Variants in DCP1A observed in about 807,000 individuals in gnomAD.
DCP1A encodes mRNA-decapping enzyme 1A.
Under a neutral mutation model 58.0 loss-of-function variants are expected in DCP1A, and 20 were observed. The ratio of observed to expected loss-of-function variants is 0.34; its 90% CI spans 0.24 to 0.50. The LOEUF is 0.50. DCP1A is among the 20% of genes least tolerant of loss of function. The pLI is 0.98. For missense variants in DCP1A, 613 were observed against 712.2 expected, an observed-to-expected ratio of 0.86 and a Z score of 1.59; for synonymous variants, 285 against 275.1, an observed-to-expected ratio of 1.04 and a Z score of -0.36.
intron 5 of DCP1A, among the ~76,000 whole-genome samples, chr3:53,308,071 CCACTTA>C (rs1469132182): frequency 6.6e-6 from 1 of 151,950 alleles, no homozygotes; most frequent in African/African-American, 2.4e-5. Context: ...CACAAACATA[CCACTTA>C]CACTTGGACA....
chr3:53,299,105 T>A (rs548934989), intron 6 of DCP1A, among the ~76,000 whole-genome samples: 2 of 152,332 alleles, frequency 1.3e-5, no homozygotes, highest in East Asian at 3.9e-4. Flanking sequence ...AGTATTCCCA[T>A]TGTTAAATGA....
At chr3:53,291,653 G>T (rs1706879932) in intron 7 of DCP1A, among the ~76,000 whole-genome samples, 1 of 152,050 alleles carries the variant, frequency 6.6e-6, no homozygotes, top group Non-Finnish European at 1.5e-5. Flanking sequence ...ATGTAAATAT[G>T]GGCAGTTGAA....
chr3:53,290,124 GA>G lies in DCP1A; in HGVS notation c.1449+666del, dbSNP rs367835904. 5.3e-5 allele frequency among the ~76,000 whole-genome samples: 8 copies of G among 152,210 alleles called. No individual in the cohort carries two copies. The East Asian group carries it at 1.5e-3, about 29-fold the overall frequency. ...GGGTACAAAGGCTCAAAGGAAAACA[GA>G]AATGACTTTAGGGAGCTAAAAAAAA... On this transcript the variant is annotated intron_variant, in intron 8 of 9. Coordinates refer to ENST00000610213, the MANE Select transcript of DCP1A (RefSeq NM_018403.7).
chr3:53,302,456 A>C (rs797033134), intron 6 of DCP1A, among the ~76,000 whole-genome samples: 10 of 152,340 alleles, frequency 6.6e-5, no homozygotes, highest in African/African-American at 2.4e-4. Context: ...CGTAAGAGAC[A>C]GCTTAAAAAC....
At chr3:53,335,528 C>A (rs1235142940) in intron 3 of DCP1A, among the ~76,000 whole-genome samples, 1 of 152,224 alleles carries the variant, frequency 6.6e-6, no homozygotes, top group Non-Finnish European at 1.5e-5. Context: ...AATTCCCAGT[C>A]ATCAACGCTT....
chr3:53,294,241 A>G (rs1553686543), intron 6 of DCP1A, among the ~76,000 whole-genome samples: 1 of 152,232 alleles, frequency 6.6e-6, no homozygotes, highest in Non-Finnish European at 1.5e-5. Context: ...GGTCGGCCAC[A>G]TAAAGGACAA....
chr3:53,344,665 T>G (rs2089270054), intron 2 of DCP1A, among the ~76,000 whole-genome samples: 1 of 152,218 alleles, frequency 6.6e-6, no homozygotes, highest in African/African-American at 2.4e-5. Flanking sequence ...CAATCATTAT[T>G]ATTTTGAAAT....
chr3:53,330,768 G>A (rs531447607), intron 3 of DCP1A, among the ~76,000 whole-genome samples: 58 of 150,838 alleles, frequency 3.8e-4, no homozygotes, highest in East Asian at 1.6e-3. Context: ...GTATGTATCC[G>A]AGTTAATCAC....
At chr3:53,343,738 A>C (rs1311388602) in intron 2 of DCP1A, among the ~76,000 whole-genome samples, 1 of 152,146 alleles carries the variant, frequency 6.6e-6, no homozygotes, top group Non-Finnish European at 1.5e-5. Flanking sequence ...CAGCCTCTCA[A>C]GTAGCTGGGA....
In DCP1A at chr3:53,287,658, A is replaced by G. The variant is rs1553685311; in HGVS notation, c.1671T>C (p.Asn557=). 14 of 1,608,270 alleles carry G rather than the reference A, an allele frequency of 8.7e-6. No individual in the cohort carries two copies. Among genetic ancestry groups the G allele is most frequent in the Non-Finnish European group, 1.2e-5 (14 of 1,174,874 alleles). ...LQDTLIHLIK[N]DSSFLSTLHE... is the part of the protein sequence containing the mutation. ...GAAGTGTACTGAGGAAGCTGGAATC[A>G]TTCTAGAAGAGATGGTAAAGGTTAA... is the stretch of plus-strand genomic sequence containing the variant. Residue 557 remains asparagine (N), a splice_region_variant and synonymous_variant, in exon 10 of 10, where the codon AAT becomes AAC. Coordinates refer to ENST00000610213, the MANE Select transcript of DCP1A (RefSeq NM_018403.7).
chr3:53,309,880 G>A lies in DCP1A; in HGVS notation c.510+2361C>T, dbSNP rs74336243. ...AATCAGGATTAAATCCCAACACTGAGGCCTAGCTTGCACCCCTGCCCTTGA... is the reference window on the plus strand; with the variant it reads ...AATCAGGATTAAATCCCAACACTGAAGCCTAGCTTGCACCCCTGCCCTTGA... On this transcript the variant is annotated intron_variant, in intron 5 of 9. Transcript: ENST00000610213. 9.5e-3 allele frequency among the ~76,000 whole-genome samples: 1,451 copies of A among 152,334 alleles called. 25 individuals are homozygous for A. Among genetic ancestry groups the A allele is most frequent in the African/African-American group, 0.033 (1,388 of 41,564 alleles).
chr3:53,332,027 G>T (rs2089014245), intron 3 of DCP1A, among the ~76,000 whole-genome samples: 1 of 152,234 alleles, frequency 6.6e-6, no homozygotes, highest in African/African-American at 2.4e-5. Context: ...CTTGTAGCAG[G>T]TATGTATAAT....
At chr3:53,304,064 C>G in intron 6 of DCP1A, 113 bp downstream of exon 6, 1 of 718,832 alleles carries the variant, frequency 1.4e-6, no homozygotes, top group Non-Finnish European at 2.3e-6. Flanking sequence ...CATTATGTTG[C>G]TGCACATTTG....
intron 4 of DCP1A, among the ~76,000 whole-genome samples, chr3:53,318,395 G>A (rs1707873045): frequency 6.6e-6 from 1 of 152,142 alleles, no homozygotes; most frequent in Non-Finnish European, 1.5e-5. Flanking sequence ...ACATGTGATT[G>A]AAAACTGTAA....
chr3:53,310,547 G>A (rs1707614965), intron 5 of DCP1A, among the ~76,000 whole-genome samples: 1 of 152,150 alleles, frequency 6.6e-6, no homozygotes, highest in South Asian at 2.1e-4. Flanking sequence ...ACACTGAAAG[G>A]GCTCTACAAA....
At chr3:53,341,616 A>G (rs562788379) in intron 3 of DCP1A, among the ~76,000 whole-genome samples, 125 of 152,364 alleles carry the variant, frequency 8.2e-4, no homozygotes, top group African/African-American at 2.8e-3. Flanking sequence ...ACCTTATTTT[A>G]ATAAACCGAC....
In DCP1A at chr3:53,335,548, CCT is replaced by C. The variant is rs1295862478; in HGVS notation, c.304+6594_304+6595del. ...CCAGTCATCAACGCTTCAAATATTG[CCT>C]CTCTACAAATCTGCTTTATCATTCT... On this transcript the variant is annotated intron_variant, in intron 3 of 9. Coordinates refer to ENST00000610213, the MANE Select transcript of DCP1A (RefSeq NM_018403.7). Among the ~76,000 whole-genome samples, 4 of 152,282 alleles carry C rather than the reference CCT, an allele frequency of 2.6e-5. No homozygotes were observed. The East Asian group carries it at 7.7e-4, about 29-fold the overall frequency.
rs1241143107 is a variant in DCP1A, at chr3:53,292,582, G to A, written c.870C>T (p.Thr290=). ...TGGAGGCTGGAGTGATTAGCACCGG[G>A]GTGGTGATTTCAGGCTGGACTGAAT... ...AHHSVQPEIT[T]PVLITPASIT... is the part of the protein sequence containing the mutation. Residue 290 remains threonine, a synonymous_variant, in exon 7 of 10, where the codon ACC becomes ACT. Transcript: ENST00000610213. 2.0e-5 allele frequency: 33 copies of A among 1,613,840 alleles called. No homozygotes were observed. Among genetic ancestry groups the A allele is most frequent in the Non-Finnish European group, 2.6e-5 (31 of 1,179,868 alleles).
At chr3:53,303,042 T>C (rs1160819496) in intron 6 of DCP1A, among the ~76,000 whole-genome samples, 2 of 151,948 alleles carry the variant, frequency 1.3e-5, no homozygotes, top group Admixed American at 6.6e-5. Flanking sequence ...TCAAACCTCC[T>C]GAGCTCAAGC....
Sources: allele counts gnomAD v4.1 joint callset (sites outside exome capture counted in the v4.1 genomes callset), GRCh38; gene constraint gnomAD v4.1.1; transcripts MANE v1.5; gene names NCBI Gene and HGNC (gene_info 2026-07-23, HGNC 2026-07-21).